CACNA1H: variants seen among roughly 807,000 people sequenced by gnomAD.
CACNA1H encodes calcium voltage-gated channel subunit alpha1 H.
Under a neutral mutation model 192.5 loss-of-function variants are expected in CACNA1H, and 149 were observed. The ratio of observed to expected loss-of-function variants is 0.77; its 90% CI spans 0.68 to 0.89. The LOEUF is 0.89. CACNA1H is among the 40% of genes least tolerant of loss of function. The probability of loss-of-function intolerance (pLI) is 0.00; values close to 1 mark genes in which losing one functional copy is unlikely to be tolerated. For missense variants in CACNA1H, 4,257 were observed against 3,423.5 expected (o/e 1.24, Z -6.08); for synonymous variants, 2,202 against 1,475.2 (o/e 1.49, Z -11.29).
Position 1,218,515 on chromosome 16 carries a change from C to T in CACNA1H, c.5751C>T (p.Arg1917=). ...GARDAPNLVA[R]KVSVSRMLSL... Reference sequence around the variant, plus strand: ...GGGACGCCCCAAACCTGGTTGCACGCAAGGTGTCCGTGTCCAGGATGCTCT... The same window carrying T: ...GGGACGCCCCAAACCTGGTTGCACGTAAGGTGTCCGTGTCCAGGATGCTCT... The change falls in exon 33 of 35, where the codon CGC becomes CGT. Residue 1917 remains arginine, a synonymous_variant. Transcript: ENST00000348261. 6.4e-7 allele frequency: 1 copy of T among 1,554,144 alleles called. No homozygotes were observed. Among genetic ancestry groups the T allele is most frequent in the Non-Finnish European group, 8.7e-7 (1 of 1,149,222 alleles).
rs1567520358 is a variant in CACNA1H at position 1,204,270 on chromosome 16, G to A, written c.2263G>A (p.Gly755Ser). ...PPRATDTPGP[G>S]PGSPQRRAQQ... ...CCGTGCGACGGACACACCAGGCCCA[G>A]GCCCAGGCAGCCCCCAGCGGCGGGC... Residue 755 changes from glycine to serine, a missense_variant, in exon 10 of 35, where the codon GGC becomes AGC. Gly to Ser is a moderately conservative substitution (Grantham distance 56). Transcript: ENST00000348261. The A allele has an allele frequency of 6.2e-7, 1 of 1,608,874 alleles. No individual in the cohort carries two copies. Among genetic ancestry groups the A allele is most frequent in the Non-Finnish European group, 8.5e-7 (1 of 1,177,924 alleles).
intron 5 of CACNA1H, among the ~76,000 whole-genome samples, chr16:1,197,240 T>A (rs1054377235): frequency 6.6e-6 from 1 of 152,200 alleles, no homozygotes; most frequent in African/African-American, 2.4e-5. Context: ...CCTGGAATAG[T>A]GCAGTACAGG....
At chr16:1,202,618 G>A (rs766036936) in intron 9 of CACNA1H, among the ~76,000 whole-genome samples, 166 bp downstream of exon 9, 90 of 152,294 alleles carry the variant, frequency 5.9e-4, no homozygotes, top group Non-Finnish European at 1.1e-3. Context: ...AGGGGAAAGA[G>A]GCAGGTCCCG....
chr16:1,178,224 A>T (rs1162331633), intron 2 of CACNA1H, among the ~76,000 whole-genome samples: 1 of 110,528 alleles, frequency 9.0e-6, no homozygotes, highest in Non-Finnish European at 1.8e-5. Flanking sequence ...TCTGCCTGGG[A>T]TCCCCCAACG....
At chr16:1,159,991 G>C (rs985821050) in intron 2 of CACNA1H, 5 of 152,416 alleles carry the variant, frequency 3.3e-5, no homozygotes, top group Non-Finnish European at 7.3e-5. Flanking sequence ...CAGAAGAGAC[G>C]TCCCGTTCCG....
rs150821225 is a variant in CACNA1H, at chr16:1,195,048, G to A, written c.376G>A (p.Val126Ile). Residue 126 changes from valine (V) to isoleucine (I), a missense_variant, in exon 3 of 35, where the codon GTT becomes ATT. Transcript: ENST00000348261. ...GGGCATGTTCCGGCCCTGTGAGGAC[G>A]TTGAGTGCGGCTCCGAGCGCTGCAA... is the stretch of plus-strand genomic sequence containing the variant. Reference protein sequence around the residue: ...TLGMFRPCEDVECGSERCNIL... With the variant: ...TLGMFRPCEDIECGSERCNIL... 112 of 1,610,456 alleles carry A rather than the reference G, an allele frequency of 7.0e-5. No individual in the cohort carries two copies. The highest frequency in any genetic ancestry group is 1.7e-4 in the Middle Eastern group (1 of 6,054).
At chr16:1,179,055 C>T (rs1252539582) in intron 2 of CACNA1H, among the ~76,000 whole-genome samples, 1 of 152,186 alleles carries the variant, frequency 6.6e-6, no homozygotes, top group African/African-American at 2.4e-5. Context: ...ATGGGTGACC[C>T]GTGGACACCA....
chr16:1,153,339 G>T lies in CACNA1H; in HGVS notation c.-150G>T, dbSNP rs1219105731. 1 of 99,850 alleles carries T rather than the reference G, an allele frequency of 1.0e-5. No homozygotes were observed. Among genetic ancestry groups the T allele is most frequent in the Non-Finnish European group, 2.5e-5 (1 of 40,650 alleles). 6.2% of individuals were successfully genotyped at this position (99,850 alleles called of 1,614,324 possible). On this transcript the variant is annotated 5_prime_UTR_variant, in exon 1 of 35. Transcript: ENST00000348261. ...GGGGACGCGGGCCGGGGGCGGAGGCGCTGGGGGCCGGGGCCGGGGCCGGGG... is the reference window on the plus strand; with the variant it reads ...GGGGACGCGGGCCGGGGGCGGAGGCTCTGGGGGCCGGGGCCGGGGCCGGGG...
At chr16:1,202,602 A>C (rs1180260169) in intron 9 of CACNA1H, 150 bp downstream of exon 9, 1 of 732,810 alleles carries the variant, frequency 1.4e-6, no homozygotes. Context: ...TCTGGAGCCC[A>C]TAAGAAGGGG....
In CACNA1H at chr16:1,200,513, C is replaced by T. The variant is rs1967722401; in HGVS notation, c.1061C>T (p.Pro354Leu). 6.2e-7 allele frequency: 1 copy of T among 1,612,348 alleles called. No homozygotes were observed. Among genetic ancestry groups the T allele is most frequent in the Non-Finnish European group, 8.5e-7 (1 of 1,179,730 alleles). ...YNVCRSGDSN[P>L]HNGAINFDNI... ...GTGTGCCGCTCGGGTGACTCCAACC[C>T]CCACAACGGTGCCATCAACTTCGAC... is the stretch of plus-strand genomic sequence containing the variant. The change falls in exon 7 of 35, where the codon CCC becomes CTC. Residue 354 changes from proline to leucine, a missense_variant. Transcript: ENST00000348261.
At chr16:1,219,206 G>A (rs1970283977) in intron 34 of CACNA1H, 76 bp downstream of exon 34, 1 of 1,374,452 alleles carries the variant, frequency 7.3e-7, no homozygotes, top group African/African-American at 1.5e-5. Flanking sequence ...CTCATCTGAA[G>A]GACCAGCAGA....
chr16:1,215,653 G>T, intron 30 of CACNA1H, 60 bp downstream of exon 30: 1 of 1,404,890 alleles, frequency 7.1e-7, no homozygotes, highest in South Asian at 1.2e-5. Context: ...TGCAGGGAGC[G>T]CCTCGCCGTC....
In CACNA1H at chr16:1,212,546, C is replaced by A. The variant is rs766715919; in HGVS notation, c.4777+18C>A. 3.7e-6 allele frequency: 6 copies of A among 1,609,258 alleles called. No individual in the cohort carries two copies. Among genetic ancestry groups the A allele is most frequent in the Non-Finnish European group, 4.2e-6 (5 of 1,178,464 alleles). On this transcript the variant is annotated intron_variant, in intron 26 of 34. Coordinates refer to ENST00000348261, the MANE Select transcript of CACNA1H (RefSeq NM_021098.3). ...CAGCCCAGGTACCGGCCCTGTCCCG[C>A]ATGCCTCAGGCCCCGCTTCTGCGGC...
intron 2 of CACNA1H, among the ~76,000 whole-genome samples, chr16:1,171,085 C>T (rs188582062): frequency 1.4e-3 from 218 of 152,310 alleles, no homozygotes; most frequent in African/African-American, 5.0e-3. Context: ...TGTCCCACTC[C>T]ACGGCCAGGC....
chr16:1,203,416 C>T (rs926847899), intron 9 of CACNA1H, among the ~76,000 whole-genome samples: 63 of 152,192 alleles, frequency 4.1e-4, no homozygotes, highest in African/African-American at 1.4e-3. Flanking sequence ...GATGGCACAG[C>T]CCAAGGCAGG....
At chr16:1,163,457 C>T (rs1963432967) in intron 2 of CACNA1H, among the ~76,000 whole-genome samples, 1 of 152,244 alleles carries the variant, frequency 6.6e-6, no homozygotes. Context: ...GAAGCCGCAG[C>T]CACACACAGC....
intron 27 of CACNA1H, among the ~76,000 whole-genome samples, chr16:1,214,324 C>T (rs547434599): frequency 6.6e-6 from 1 of 152,238 alleles, no homozygotes; most frequent in Non-Finnish European, 1.5e-5. Context: ...GTCCTCCCAG[C>T]CTTTTAGAAG....
At chr16:1,213,690 C>G (rs542840691) in intron 26 of CACNA1H, 90 bp from the exon 27 acceptor site, 2 of 1,037,890 alleles carry the variant, frequency 1.9e-6, no homozygotes, top group Admixed American at 3.0e-5. Context: ...CTACCCTACA[C>G]TTGGCCACCT....
chr16:1,208,303 G>A lies in CACNA1H; in HGVS notation c.3363+82G>A, dbSNP rs545573317. ...TCCTTATGGCCTTCCCTGAAGATGA[G>A]TGAGGGCCGCACCCCCCACACCCTT... On this transcript the variant is annotated intron_variant, in intron 16 of 34. Coordinates refer to ENST00000348261, the MANE Select transcript of CACNA1H (RefSeq NM_021098.3). 1.3e-3 allele frequency: 1,233 copies of A among 960,576 alleles called. 5 individuals carry two copies. Among genetic ancestry groups the A allele is most frequent in the Non-Finnish European group, 1.8e-3 (1,132 of 629,864 alleles). 59.5% of individuals were successfully genotyped at this position (960,576 alleles called of 1,614,324 possible). A position where few individuals can be genotyped will look rare whatever the true frequency, so the allele number is the denominator to read the frequency against.
Sources: allele counts gnomAD v4.1 joint callset (sites outside exome capture counted in the v4.1 genomes callset), GRCh38; gene constraint gnomAD v4.1.1; transcripts MANE v1.5; gene names NCBI Gene and HGNC (gene_info 2026-07-23, HGNC 2026-07-21).